Variants in AADACL3 observed in about 807,000 individuals in gnomAD.
AADACL3 encodes arylacetamide deacetylase like 3.
In AADACL3, 13 loss-of-function variants were observed where a neutral mutation model predicts 13.6. That is an observed-to-expected ratio of 0.95 (90% CI 0.62 to 1.52). AADACL3 has a LOEUF of 1.52. Ranked by LOEUF, AADACL3 falls within the 40% of genes most tolerant of loss-of-function variation. The pLI is 0.00. For synonymous variants in AADACL3, 195 were observed against 197.0 expected, an observed-to-expected ratio of 0.99 and a Z score of 0.08; for missense variants, 519 against 499.2, an observed-to-expected ratio of 1.04 and a Z score of -0.38.
chr1:12,722,370 T>C (rs1246753183), intron 3 of AADACL3, among the ~76,000 whole-genome samples: 3 of 143,952 alleles, frequency 2.1e-5, no homozygotes, highest in Non-Finnish European at 4.5e-5. Flanking sequence ...AATGAAGAGA[T>C]GAGATGAGAG....
rs565004534 is a variant in AADACL3, at chr1:12,722,696, T to TTA, written c.449+1750_449+1751insTA. On this transcript the variant is annotated intron_variant, in intron 3 of 3. Transcript: ENST00000359318. ...TGTTTCTTTGTCTTTTTTTTTTTTTTAATTTGTGACCAGCATTTAAAAATA... is the reference window on the plus strand; with the variant it reads ...TGTTTCTTTGTCTTTTTTTTTTTTTTTAAATTTGTGACCAGCATTTAAAAATA... Among the ~76,000 whole-genome samples the TTA allele has an allele frequency of 2.0e-3, 307 of 151,862 alleles. 1 individual carries two copies. Among genetic ancestry groups the TTA allele is most frequent in the African/African-American group, 7.2e-3 (298 of 41,424 alleles).
In AADACL3 at chr1:12,716,265, CT is replaced by C; in HGVS notation, c.90del (p.Val31CysfsTer11). The C allele has an allele frequency of 6.3e-7, 1 of 1,590,662 alleles. No homozygotes were observed. On this transcript the variant is annotated frameshift_variant, in exon 1 of 4. Transcript: ENST00000359318. LOFTEE classifies it high-confidence loss of function. Reference protein sequence around the residue: ...TLWVICSHFFTVHIPAAVGHP... With the variant: ...TLWVICSHFFXVHIPAAVGHP... ...TGGGTCATTTGCAGCCATTTTTTCA[CT>C]GTGCACATCCCTGCAGCGGTTGGCC...
rs1413919193 is a variant in AADACL3, at chr1:12,726,221, A to G, written c.*225A>G. On this transcript the variant is annotated 3_prime_UTR_variant, in exon 4 of 4. Transcript: ENST00000359318. ...TGGAGGTGGGAGTGTGGCTGTCTCT[A>G]TTCTCTGTTGGGAAAACCTGGGCTG... The G allele has an allele frequency of 3.6e-6, 2 of 552,954 alleles. No homozygotes were observed. The highest frequency in any genetic ancestry group is 1.9e-5 in the African/African-American group (1 of 53,004). 34.3% of individuals were successfully genotyped at this position (552,954 alleles called of 1,614,324 possible).
intron 3 of AADACL3, 26 bp downstream of exon 3, chr1:12,720,972 G>C: frequency 6.4e-7 from 1 of 1,568,244 alleles, no homozygotes; most frequent in Non-Finnish European, 8.7e-7. Flanking sequence ...ATCCCAGGGA[G>C]CCAGCAAGGA....
intron 1 of AADACL3, among the ~76,000 whole-genome samples, chr1:12,718,401 C>G (rs1039662912): frequency 7.3e-5 from 11 of 150,604 alleles, no homozygotes; most frequent in Non-Finnish European, 1.6e-4. Context: ...ATGAGGCCTG[C>G]AGCTTTTCCC....
chr1:12,725,369 C>T lies in AADACL3; in HGVS notation c.597C>T (p.Ala199=), dbSNP rs747452464. ...GTGACAGTTTCGGAGGGGCAATAGCCGCAGTGGTTTGTCAACAACTTGTGG... is the reference window on the plus strand; with the variant it reads ...GTGACAGTTTCGGAGGGGCAATAGCTGCAGTGGTTTGTCAACAACTTGTGG... ...VCGDSFGGAI[A]AVVCQQLVDR... Residue 199 remains alanine (A), a synonymous_variant, in exon 4 of 4, where the codon GCC becomes GCT. Transcript: ENST00000359318. 57 of 1,614,008 alleles carry T rather than the reference C, an allele frequency of 3.5e-5. No homozygotes were observed. In the East Asian group the frequency reaches 7.1e-4, roughly 20 times the overall value.
Position 12,718,012 on chromosome 1 carries a change from A to G in AADACL3, c.169-1463A>G, listed in dbSNP as rs141418108. 3.3e-5 allele frequency among the ~76,000 whole-genome samples: 5 copies of G among 152,326 alleles called. No homozygotes were observed. In the East Asian group the frequency reaches 9.6e-4, roughly 29 times the overall value. The stretch of plus-strand genomic sequence containing the variant: ...CCTCGACTTTTCACCAAGAGAAATC[A>G]GACATATTTGCATTGCCTATTAGAT... On this transcript the variant is annotated intron_variant, in intron 1 of 3. Transcript: ENST00000359318.
Position 12,716,199 on chromosome 1 carries a change from T to C in AADACL3, c.23T>C (p.Phe8Ser). Residue 8 changes from phenylalanine to serine, a missense_variant, in exon 1 of 4, where the codon TTC becomes TCC. By Grantham distance (155) the Phe-to-Ser change is radical (BLOSUM62 -2). Transcript: ENST00000359318. The stretch of plus-strand genomic sequence containing the variant: ...AGCATGTGGGACCTGGCCCTGATCT[T>C]CCTCGCAGCAGCCTGCGTGTTCTCA... MWDLALIFLAAACVFSLG... is the reference protein window; with the variant it reads MWDLALISLAAACVFSLG... 9.4e-7 allele frequency: 1 copy of C among 1,063,994 alleles called. No homozygotes were observed. Among genetic ancestry groups the C allele is most frequent in the Admixed American group, 1.7e-5 (1 of 57,408 alleles). The allele number at this position is 1,063,994 out of a possible 1,614,324, so 65.9% of individuals were successfully genotyped here.
At chr1:12,717,759 C>T (rs746409902) in intron 1 of AADACL3, among the ~76,000 whole-genome samples, 4 of 152,206 alleles carry the variant, frequency 2.6e-5, no homozygotes, top group African/African-American at 4.8e-5. Context: ...TCAGGGGAGC[C>T]GAGCAGGGCT....
At chr1:12,720,800 G>A in intron 2 of AADACL3, 83 bp from the exon 3 acceptor site, 1 of 1,236,240 alleles carries the variant, frequency 8.1e-7, no homozygotes. Context: ...CGGCCCAAGT[G>A]CTGTGTCTGT....
intron 1 of AADACL3, among the ~76,000 whole-genome samples, chr1:12,718,935 T>C (rs1308077949): frequency 6.6e-6 from 1 of 152,222 alleles, no homozygotes; most frequent in Non-Finnish European, 1.5e-5. Flanking sequence ...TTTTCCCTCA[T>C]TTTCATTTAT....
At chr1:12,722,153 C>A (rs1449946411) in intron 3 of AADACL3, among the ~76,000 whole-genome samples, 2 of 151,918 alleles carry the variant, frequency 1.3e-5, no homozygotes, top group African/African-American at 4.8e-5. Flanking sequence ...ACGGTGAAAC[C>A]TTGTCTCTAC....
intron 1 of AADACL3, among the ~76,000 whole-genome samples, chr1:12,718,808 C>T (rs117589369): frequency 6.6e-6 from 1 of 152,280 alleles, no homozygotes; most frequent in East Asian, 1.9e-4. Context: ...GCTGTATTTT[C>T]AACCCTTTAT....
intron 3 of AADACL3, among the ~76,000 whole-genome samples, chr1:12,721,813 C>A (rs542591891): frequency 6.6e-6 from 1 of 152,354 alleles, no homozygotes; most frequent in East Asian, 1.9e-4. Context: ...CCTAACAGAT[C>A]TCTGACAGTC....
intron 1 of AADACL3, among the ~76,000 whole-genome samples, chr1:12,717,652 C>T (rs76568801): frequency 0.014 from 2,105 of 152,204 alleles, 34 homozygotes; most frequent in African/African-American, 0.048. Context: ...CAGTGGGCAG[C>T]GGGGAAGTGG....
chr1:12,721,600 C>T (rs1185011388), intron 3 of AADACL3, among the ~76,000 whole-genome samples: 1 of 152,042 alleles, frequency 6.6e-6, no homozygotes, highest in African/African-American at 2.4e-5. Context: ...ACTGCAGGAA[C>T]ACTTGGACAA....
intron 3 of AADACL3, among the ~76,000 whole-genome samples, chr1:12,723,870 G>A (rs1317831160): frequency 1.4e-5 from 1 of 73,710 alleles, no homozygotes; most frequent in Admixed American, 1.1e-4. Flanking sequence ...CACAACTTCT[G>A]CCTCCTGGGT....
intron 3 of AADACL3, among the ~76,000 whole-genome samples, chr1:12,724,566 C>G (rs1638327937): frequency 6.6e-6 from 1 of 151,896 alleles, no homozygotes; most frequent in African/African-American, 2.4e-5. Flanking sequence ...CTCACTGCAG[C>G]CTCAACCTCC....
intron 2 of AADACL3, among the ~76,000 whole-genome samples, chr1:12,720,137 T>TACAG (rs1477767631): frequency 6.6e-6 from 1 of 152,204 alleles, no homozygotes; most frequent in South Asian, 2.1e-4. Context: ...CAAATTCTGG[T>TACAG]ACAGACAGAC....
Sources: allele counts gnomAD v4.1 joint callset (sites outside exome capture counted in the v4.1 genomes callset), GRCh38; gene constraint gnomAD v4.1.1; transcripts MANE v1.5; gene names NCBI Gene and HGNC (gene_info 2026-07-23, HGNC 2026-07-21).